PAX3: variants seen among roughly 807,000 people sequenced by gnomAD.
PAX3 encodes the protein paired box protein Pax-3.
PAX3 carries 14 observed loss-of-function variants against 51.6 expected under a neutral mutation model. The ratio of observed to expected loss-of-function variants is 0.27; its 90% CI spans 0.18 to 0.42. The LOEUF is 0.42. Ranked by LOEUF, PAX3 falls within the 10% of genes least tolerant of loss-of-function variation. The pLI, the probability that PAX3 is intolerant of heterozygous loss-of-function variation, is 1.00. For synonymous variants in PAX3, 280 were observed against 253.4 expected (o/e 1.11, Z -1.00); for missense variants, 540 against 642.8 (o/e 0.84, Z 1.73).
intron 4 of PAX3, among the ~76,000 whole-genome samples, chr2:222,289,419 A>G (rs984719751): frequency 6.6e-6 from 1 of 152,064 alleles, no homozygotes; most frequent in Non-Finnish European, 1.5e-5. Context: ...TATTCACGTG[A>G]TCGATTTCTG....
intron 4 of PAX3, chr2:222,293,948 T>C: frequency 1.3e-6 from 2 of 1,529,158 alleles, no homozygotes; most frequent in South Asian, 2.5e-5. Context: ...GAAAGAAAGA[T>C]TTACAAAACA....
At chr2:222,261,598 CAACA>C (rs1010300655) in intron 4 of PAX3, among the ~76,000 whole-genome samples, 3 of 124,772 alleles carry the variant, frequency 2.4e-5, no homozygotes, top group African/African-American at 8.8e-5. Flanking sequence ...GAAACAACAA[CAACA>C]AAAAAAAAAA....
chr2:222,233,285 C>T (rs1203084522), intron 4 of PAX3, among the ~76,000 whole-genome samples: 1 of 152,044 alleles, frequency 6.6e-6, no homozygotes, highest in East Asian at 1.9e-4. Flanking sequence ...TTTGCCTGTA[C>T]TCACATGTGG....
At chr2:222,288,127 T>TAAAC (rs1015566384) in intron 4 of PAX3, among the ~76,000 whole-genome samples, 1 of 152,202 alleles carries the variant, frequency 6.6e-6, no homozygotes, top group Non-Finnish European at 1.5e-5. Flanking sequence ...ATTGTGTTCT[T>TAAAC]AAACAAACAA....
chr2:222,227,498 G>A (rs752172), intron 5 of PAX3, among the ~76,000 whole-genome samples: 18,228 of 152,026 alleles, frequency 0.12, 1,254 homozygotes, highest in Middle Eastern at 0.15. Flanking sequence ...AGACTGAGGC[G>A]GGAGGATCAT....
intron 4 of PAX3, among the ~76,000 whole-genome samples, chr2:222,277,763 G>A (rs1393276328): frequency 7.2e-5 from 11 of 151,784 alleles, no homozygotes; most frequent in Admixed American, 1.3e-4. Context: ...GTGAAACCCC[G>A]TCTCTACCAA....
chr2:222,243,157 A>G (rs568360279), intron 4 of PAX3, among the ~76,000 whole-genome samples: 2 of 151,660 alleles, frequency 1.3e-5, no homozygotes, highest in African/African-American at 4.9e-5. Flanking sequence ...TTTGGAAAAT[A>G]AAAAAAAGGC....
In PAX3 at chr2:222,276,600, C is replaced by T. The variant is rs1227208455; in HGVS notation, c.586+17567G>A. Reference sequence around the variant, plus strand: ...CTGGGAGAGACCGTGGCCTTCACCTCGCCCAGAGCTTCCATTTGTCAGAGG... The same window carrying T: ...CTGGGAGAGACCGTGGCCTTCACCTTGCCCAGAGCTTCCATTTGTCAGAGG... On this transcript the variant is annotated intron_variant, in intron 4 of 8. Transcript: ENST00000392070. Among the ~76,000 whole-genome samples the T allele has an allele frequency of 2.6e-5, 4 of 152,186 alleles. 1 individual carries two copies. Among genetic ancestry groups the T allele is most frequent in the Non-Finnish European group, 5.9e-5 (4 of 68,032 alleles).
At chr2:222,273,448 G>A (rs1694318842) in intron 4 of PAX3, among the ~76,000 whole-genome samples, 2 of 152,184 alleles carry the variant, frequency 1.3e-5, no homozygotes, top group African/African-American at 4.8e-5. Flanking sequence ...TTCTTCTACT[G>A]TTTAAGGTAG....
At chr2:222,232,655 G>T (rs945603927) in intron 4 of PAX3, among the ~76,000 whole-genome samples, 1 of 152,110 alleles carries the variant, frequency 6.6e-6, no homozygotes, top group Non-Finnish European at 1.5e-5. Flanking sequence ...TATTCCATTT[G>T]TATGGCCCTA....
chr2:222,224,514 G>C (rs1180616811), intron 5 of PAX3, among the ~76,000 whole-genome samples: 1 of 152,148 alleles, frequency 6.6e-6, no homozygotes, highest in East Asian at 1.9e-4. Flanking sequence ...TGCAAATTAA[G>C]AACTGGTCTT....
intron 5 of PAX3, 106 bp downstream of exon 5, chr2:222,231,972 T>G: frequency 1.0e-6 from 1 of 983,204 alleles, no homozygotes; most frequent in Admixed American, 1.7e-5. Context: ...TAAAGGGCCA[T>G]TCCTAATACA....
intron 4 of PAX3, among the ~76,000 whole-genome samples, chr2:222,277,673 C>T (rs1487757366): frequency 2.0e-5 from 3 of 152,166 alleles, no homozygotes; most frequent in Non-Finnish European, 4.4e-5. Context: ...CAGTGGCTCA[C>T]ACCTGTAACC....
At chr2:222,285,862 G>A (rs1002376290) in intron 4 of PAX3, among the ~76,000 whole-genome samples, 1 of 152,182 alleles carries the variant, frequency 6.6e-6, no homozygotes, top group African/African-American at 2.4e-5. Context: ...CTGAAAATCA[G>A]TGGTATTTCC....
chr2:222,287,884 T>C (rs964341640), intron 4 of PAX3, among the ~76,000 whole-genome samples: 1 of 152,200 alleles, frequency 6.6e-6, no homozygotes, highest in East Asian at 1.9e-4. Context: ...TAAAGCCTCA[T>C]GCACAACTTT....
Position 222,279,033 on chromosome 2 carries a change from C to T in PAX3, c.586+15134G>A, listed in dbSNP as rs565504045. ...TGGTGCGATCTTGGCTCACTGCAAC[C>T]TCTGCTTCCCAGGTTCAAACAATTC... On this transcript the variant is annotated intron_variant, in intron 4 of 8. Transcript: ENST00000392070. Among the ~76,000 whole-genome samples the T allele has an allele frequency of 2.6e-3, 389 of 152,328 alleles. 4 individuals carry two copies. Among genetic ancestry groups the T allele is most frequent in the Non-Finnish European group, 4.9e-3 (330 of 68,030 alleles).
At chr2:222,276,725 A>G (rs1694435036) in intron 4 of PAX3, among the ~76,000 whole-genome samples, 1 of 152,240 alleles carries the variant, frequency 6.6e-6, no homozygotes, top group Admixed American at 6.5e-5. Context: ...CAACCTTTAC[A>G]GCTAAGGGAA....
intron 4 of PAX3, among the ~76,000 whole-genome samples, chr2:222,290,492 G>A (rs1391336154): frequency 1.3e-5 from 2 of 152,156 alleles, no homozygotes; most frequent in African/African-American, 4.8e-5. Context: ...ACGCTCACTT[G>A]TGATTTTAAA....
chr2:222,283,735 A>T (rs1230741104), intron 4 of PAX3, among the ~76,000 whole-genome samples: 2 of 152,238 alleles, frequency 1.3e-5, no homozygotes, highest in Non-Finnish European at 2.9e-5. Context: ...CCGGCTGGCC[A>T]AGGAGCTTCG....
Sources: allele counts gnomAD v4.1 joint callset (sites outside exome capture counted in the v4.1 genomes callset), GRCh38; gene constraint gnomAD v4.1.1; transcripts MANE v1.5; gene names NCBI Gene and HGNC (gene_info 2026-07-23, HGNC 2026-07-21).